Variants in B4GALT6 observed in about 807,000 individuals in gnomAD.
B4GALT6 encodes UDP-Gal:beta-GlcNAc beta-1,4-galactosyltransferase 6.
A neutral mutation model predicts 46.3 loss-of-function variants in B4GALT6; 14 were observed. That is an observed-to-expected ratio of 0.30 (90% CI 0.20 to 0.47). The LOEUF (loss-of-function observed/expected upper bound fraction) is 0.47. Ranked by LOEUF, B4GALT6 falls within the 20% of genes least tolerant of loss-of-function variation. B4GALT6 has a pLI of 0.99. For missense variants in B4GALT6, 386 were observed against 480.1 expected, an observed-to-expected ratio of 0.80 and a Z score of 1.83; for synonymous variants, 168 against 162.0, an observed-to-expected ratio of 1.04 and a Z score of -0.28.
rs184517368 is a variant in B4GALT6 at position 31,680,402 on chromosome 18, T to C, written c.115+3910A>G. Among the ~76,000 whole-genome samples the C allele has an allele frequency of 3.7e-4, 56 of 152,262 alleles. No homozygotes were observed. The East Asian group carries it at 9.6e-3, about 26-fold the overall frequency. On this transcript the variant is annotated intron_variant, in intron 1 of 8. Transcript: ENST00000306851. ...CTCCCACAACATACATGCTTGCACA[T>C]AGACCCCACACTTTGACTACCCATC...
intron 4 of B4GALT6, among the ~76,000 whole-genome samples, chr18:31,642,164 G>C (rs1016821820): frequency 8.5e-5 from 13 of 152,312 alleles, no homozygotes; most frequent in Middle Eastern, 3.4e-3. Flanking sequence ...TTTGAGGACT[G>C]AGTTCAAGAA....
At chr18:31,661,992 C>T (rs1366744195) in intron 2 of B4GALT6, among the ~76,000 whole-genome samples, 1 of 152,186 alleles carries the variant, frequency 6.6e-6, no homozygotes, top group Non-Finnish European at 1.5e-5. Flanking sequence ...AACCCACATC[C>T]AACTCACAGA....
At chr18:31,634,408 C>T (rs1341304889) in intron 5 of B4GALT6, among the ~76,000 whole-genome samples, 1 of 152,224 alleles carries the variant, frequency 6.6e-6, no homozygotes, top group Non-Finnish European at 1.5e-5. Context: ...CTTCAGCCTA[C>T]CTTCTGTGAC....
chr18:31,627,345 C>T (rs1366568983), intron 6 of B4GALT6, among the ~76,000 whole-genome samples: 2 of 151,734 alleles, frequency 1.3e-5, no homozygotes, highest in African/African-American at 2.4e-5. Flanking sequence ...TTATGGAAAC[C>T]TAAATTTAAT....
intron 2 of B4GALT6, among the ~76,000 whole-genome samples, chr18:31,662,441 C>A (rs1454829178): frequency 6.6e-6 from 1 of 152,180 alleles, no homozygotes; most frequent in Non-Finnish European, 1.5e-5. Context: ...ATTTCTAGCA[C>A]CTAATAATAG....
At chr18:31,714,396 C>A in the B4GALT6 span, among the ~76,000 whole-genome samples, 1 of 152,236 alleles carries the variant, frequency 6.6e-6, no homozygotes, top group Non-Finnish European at 1.5e-5. Flanking sequence ...CCTTCTCTTT[C>A]ATCTGAACAG....
At chr18:31,668,096 CAAAAA>C (rs111596996) in intron 1 of B4GALT6, among the ~76,000 whole-genome samples, 2 of 75,748 alleles carry the variant, frequency 2.6e-5, no homozygotes. Flanking sequence ...GACTCCATCT[CAAAAA>C]AAAAAAAAAA....
At chr18:31,649,426 G>A (rs1230886094) in intron 3 of B4GALT6, among the ~76,000 whole-genome samples, 1 of 152,020 alleles carries the variant, frequency 6.6e-6, no homozygotes, top group Non-Finnish European at 1.5e-5. Context: ...CCACCTACCT[G>A]CATTTCTACT....
chr18:31,640,842 C>A (rs1404584595), intron 4 of B4GALT6, among the ~76,000 whole-genome samples: 1 of 152,212 alleles, frequency 6.6e-6, no homozygotes, highest in Admixed American at 6.5e-5. Context: ...CAAGGAATTC[C>A]CGAATCAAAA....
chr18:31,692,928 A>G, the B4GALT6 span, among the ~76,000 whole-genome samples: 1 of 152,170 alleles, frequency 6.6e-6, no homozygotes, highest in South Asian at 2.1e-4. Context: ...GGGGTCCTGT[A>G]GTTTCTATGG....
At chr18:31,698,084 C>T in the B4GALT6 span, among the ~76,000 whole-genome samples, 1 of 152,208 alleles carries the variant, frequency 6.6e-6, no homozygotes, top group Non-Finnish European at 1.5e-5. Context: ...TTCTATTTGG[C>T]ATATGTTGGA....
chr18:31,712,253 T>C, the B4GALT6 span, among the ~76,000 whole-genome samples: 1 of 150,230 alleles, frequency 6.7e-6, no homozygotes, highest in Non-Finnish European at 1.5e-5. Flanking sequence ...TAGTTCGGAG[T>C]TGCCCTTGTT....
intron 5 of B4GALT6, among the ~76,000 whole-genome samples, chr18:31,631,615 GA>G (rs1371208493): frequency 3.3e-5 from 5 of 150,576 alleles, no homozygotes; most frequent in East Asian, 1.9e-4. Flanking sequence ...CTTGTGGCGA[GA>G]AAAAAAAAGT....
chr18:31,626,390 A>AAT lies in B4GALT6; in HGVS notation c.900-7_900-6insAT, dbSNP rs2144474742. ...TATATCCAGCATAGTGAACTCTACA[A>AAT]TGCCATATATGGAAATGAAAATATA... On this transcript the variant is annotated splice_polypyrimidine_tract_variant and splice_region_variant and intron_variant, in intron 7 of 8. Coordinates refer to ENST00000306851, the MANE Select transcript of B4GALT6 (RefSeq NM_004775.5). The AAT allele has an allele frequency of 7.1e-7, 1 of 1,413,074 alleles. No individual in the cohort carries two copies. The highest frequency in any genetic ancestry group is 2.3e-5 in the East Asian group (1 of 43,580). The allele number at this position is 1,413,074 out of a possible 1,614,324, so 87.5% of individuals were successfully genotyped here.
intron 1 of B4GALT6, among the ~76,000 whole-genome samples, chr18:31,674,226 T>C (rs779445389): frequency 2.0e-5 from 3 of 151,918 alleles, no homozygotes; most frequent in African/African-American, 7.3e-5. Context: ...CAAAAGAAAG[T>C]TAACATAAGT....
chr18:31,633,862 A>G (rs964094123), intron 5 of B4GALT6, among the ~76,000 whole-genome samples: 2 of 152,280 alleles, frequency 1.3e-5, no homozygotes, highest in East Asian at 3.9e-4. Flanking sequence ...AGTGCCATGG[A>G]GACACTGCAG....
the B4GALT6 span, among the ~76,000 whole-genome samples, chr18:31,718,685 C>A: frequency 6.6e-6 from 1 of 152,156 alleles, no homozygotes; most frequent in Non-Finnish European, 1.5e-5. Flanking sequence ...CCACCCCCTG[C>A]CTCCTCTCCA....
chr18:31,700,374 T>C, the B4GALT6 span, among the ~76,000 whole-genome samples: 1 of 152,028 alleles, frequency 6.6e-6, no homozygotes, highest in African/African-American at 2.4e-5. Flanking sequence ...AACTTCATAC[T>C]CTGTGAAAGA....
chr18:31,668,816 A>G lies in B4GALT6; in HGVS notation c.116-2444T>C, dbSNP rs1344745754. Among the ~76,000 whole-genome samples the G allele has an allele frequency of 2.7e-5, 4 of 150,144 alleles. No homozygotes were observed. In the Admixed American group the frequency reaches 2.7e-4, roughly 10 times the overall value. ...GGAGTTTGAGACCAGCCTGGCCAAC[A>G]TGGTGAAATGCCGTCTCTACTAAAA... is the stretch of plus-strand genomic sequence containing the variant. On this transcript the variant is annotated intron_variant, in intron 1 of 8. Coordinates refer to ENST00000306851, the MANE Select transcript of B4GALT6 (RefSeq NM_004775.5).
Sources: gnomAD v4.1 joint callset for allele counts (sites outside exome capture counted in the v4.1 genomes callset) on GRCh38, gnomAD v4.1.1 for gene constraint, MANE v1.5 for transcripts, NCBI Gene and HGNC (gene_info 2026-07-23, HGNC 2026-07-21) for gene names.